The following DDX6 variants were observed in gnomAD, a reference collection of about 807,000 sequenced individuals.
DDX6 encodes the protein DEAD-box helicase 6.
A neutral mutation model predicts 60.6 loss-of-function variants in DDX6; 7 were observed. The ratio of observed to expected loss-of-function variants is 0.12; its 90% CI spans 0.07 to 0.22. The LOEUF (loss-of-function observed/expected upper bound fraction) is 0.22, where lower values mean the gene tolerates loss of function less well. DDX6 is among the 10% of genes least tolerant of loss of function. The pLI, the probability that DDX6 is intolerant of heterozygous loss-of-function variation, is 1.00. For missense variants in DDX6, 270 were observed against 589.9 expected, an observed-to-expected ratio of 0.46 and a Z score of 5.62; for synonymous variants, 207 against 201.0, an observed-to-expected ratio of 1.03 and a Z score of -0.25.
chr11:118,763,600 G>A (rs1206252423), intron 6 of DDX6, among the ~76,000 whole-genome samples: 5 of 152,054 alleles, frequency 3.3e-5, no homozygotes, highest in Non-Finnish European at 7.4e-5. Context: ...TTGGGAGGCC[G>A]AGGTGGGTGG....
intron 10 of DDX6, 109 bp from the exon 11 acceptor site, chr11:118,756,432 G>T: frequency 2.6e-6 from 2 of 756,234 alleles, no homozygotes; most frequent in South Asian, 3.6e-5. Flanking sequence ...GTTTATAAGT[G>T]ATCCATGATA....
chr11:118,752,476 ATT>A, intron 13 of DDX6, among the ~76,000 whole-genome samples: 1 of 152,210 alleles, frequency 6.6e-6, no homozygotes, highest in East Asian at 1.9e-4. Flanking sequence ...TTTAAAAATT[ATT>A]TAAGTAACAA....
At chr11:118,783,129 C>G (rs1011271472) in intron 2 of DDX6, among the ~76,000 whole-genome samples, 8 of 151,934 alleles carry the variant, frequency 5.3e-5, no homozygotes, top group African/African-American at 1.9e-4. Flanking sequence ...TAGAAGTGTT[C>G]TGAGACACTT....
intron 4 of DDX6, among the ~76,000 whole-genome samples, chr11:118,774,814 T>C (rs1448025461): frequency 6.6e-6 from 1 of 151,942 alleles, no homozygotes; most frequent in Non-Finnish European, 1.5e-5. Flanking sequence ...ATCAAGGCAG[T>C]TTTAATATTT....
chr11:118,775,471 C>A (rs1036914405), intron 4 of DDX6, among the ~76,000 whole-genome samples: 1 of 151,954 alleles, frequency 6.6e-6, no homozygotes, highest in Non-Finnish European at 1.5e-5. Flanking sequence ...CTGATTGATT[C>A]TAAGAAACAC....
At chr11:118,780,779 T>C (rs1223873088) in intron 3 of DDX6, among the ~76,000 whole-genome samples, 1 of 152,222 alleles carries the variant, frequency 6.6e-6, no homozygotes, top group African/African-American at 2.4e-5. Context: ...TCAGCACTAC[T>C]GACACTTTGG....
intron 3 of DDX6, among the ~76,000 whole-genome samples, chr11:118,779,943 C>A (rs954337415): frequency 6.6e-6 from 1 of 151,762 alleles, no homozygotes; most frequent in East Asian, 1.9e-4. Flanking sequence ...TGGTGAAACT[C>A]CAACTCCACG....
rs781965648 is a variant in DDX6 at position 118,754,906 on chromosome 11, A to ATTC, written c.1277-20_1277-19insGAA. ...AAGCGACCTAAAAAACATGCGTTTA[A>ATTC]AAATTTTAATGAATAAAATATGAAA... On this transcript the variant is annotated intron_variant, in intron 12 of 13. Coordinates refer to ENST00000534980, the MANE Select transcript of DDX6 (RefSeq NM_004397.6). 6.3e-7 allele frequency: 1 copy of ATTC among 1,579,912 alleles called. No homozygotes were observed. Among genetic ancestry groups the ATTC allele is most frequent in the Admixed American group, 2.0e-5 (1 of 50,548 alleles).
Position 118,767,626 on chromosome 11 carries a change from C to CTTTTTTTT in DDX6, c.499+589_499+596dup, listed in dbSNP as rs5795138. 3.6e-3 allele frequency: 319 copies of CTTTTTTTT among 88,668 alleles called. 2 individuals are homozygous for CTTTTTTTT. The highest frequency in any genetic ancestry group is 8.9e-3 in the Middle Eastern group (1 of 112). The allele number at this position is 88,668 out of a possible 1,614,324, so 5.5% of individuals were successfully genotyped here. On this transcript the variant is annotated intron_variant, in intron 5 of 13. Transcript: ENST00000534980. ...TTTAACTTCTCATGACCTCAGCCGC[C>CTTTTTTTT]TTTTTTTTTTTTTTTTTTTTTTTGA...
chr11:118,787,791 G>A (rs987099125), intron 1 of DDX6: 3 of 151,998 alleles, frequency 2.0e-5, no homozygotes, highest in African/African-American at 7.2e-5. Context: ...CACAAATTTT[G>A]TATAAATGAA....
At position 118,763,226 on chromosome 11, in the gene DDX6, T is replaced by A; in HGVS notation, c.727A>T (p.Ile243Leu). 1 of 1,604,838 alleles carries A rather than the reference T, an allele frequency of 6.2e-7. No homozygotes were observed. Among genetic ancestry groups the A allele is most frequent in the Non-Finnish European group, 8.5e-7 (1 of 1,176,086 alleles). ...AGAGACATTACCTCATCCAATACTA[T>A]CATCTGGACATGATCAACCTTTGCT... ...GVAKVDHVQM[I>L]VLDEADKLLS... The change falls in exon 7 of 14, where the codon ATA becomes TTA. Residue 243 changes from isoleucine to leucine, a missense_variant. Transcript: ENST00000534980.
intron 1 of DDX6, chr11:118,787,093 T>C (rs1215114481): frequency 1.3e-5 from 2 of 152,202 alleles, no homozygotes; most frequent in African/African-American, 2.4e-5. Context: ...TCGCAGCACT[T>C]TGAGAGGCCA....
rs151029243 is a variant in DDX6 at position 118,774,994 on chromosome 11, G to A, written c.369+4638C>T. 2.4e-4 allele frequency among the ~76,000 whole-genome samples: 36 copies of A among 152,288 alleles called. 1 individual carries two copies. The highest frequency in any genetic ancestry group is 8.2e-4 in the African/African-American group (34 of 41,560). On this transcript the variant is annotated intron_variant, in intron 4 of 13. Transcript: ENST00000534980. ...ATATTTTACCAGGGGGGTGATGGGT[G>A]CACCCAAATCTCAGAAATAGCAACT...
At chr11:118,785,450 C>T (rs1475902521) in intron 2 of DDX6, among the ~76,000 whole-genome samples, 1 of 151,828 alleles carries the variant, frequency 6.6e-6, no homozygotes, top group Non-Finnish European at 1.5e-5. Flanking sequence ...AGTGATCCTC[C>T]CACATTGGCC....
In DDX6 at chr11:118,749,385, C is replaced by G. The variant is rs1188290864; in HGVS notation, c.*2720G>C. 1 of 96,680 alleles carries G rather than the reference C, an allele frequency of 1.0e-5. No individual in the cohort carries two copies. The allele number at this position is 96,680 out of a possible 1,614,324, so 6.0% of individuals were successfully genotyped here. ...AAAAAAAAAAAAAAAAAAAAAAGACCAGGCTTTGACCTAGTCCTCAGAGCA... is the reference window on the plus strand; with the variant it reads ...AAAAAAAAAAAAAAAAAAAAAAGACGAGGCTTTGACCTAGTCCTCAGAGCA... On this transcript the variant is annotated 3_prime_UTR_variant, in exon 14 of 14. Transcript: ENST00000534980.
rs1591870920 is a variant in DDX6, at chr11:118,747,901, G to C, written c.*4204C>G. The stretch of plus-strand genomic sequence containing the variant: ...CATAACACATCCCAACAAAAACAGA[G>C]CCCCCCCCCCCCCCACTGGAACATC... On this transcript the variant is annotated 3_prime_UTR_variant, in exon 14 of 14. Coordinates refer to ENST00000534980, the MANE Select transcript of DDX6 (RefSeq NM_004397.6). 6.9e-5 allele frequency: 7 copies of C among 101,192 alleles called. No individual in the cohort carries two copies. Among genetic ancestry groups the C allele is most frequent in the Admixed American group, 9.3e-5 (1 of 10,774 alleles). 6.3% of individuals were successfully genotyped at this position (101,192 alleles called of 1,614,324 possible). A position where few individuals can be genotyped will look rare whatever the true frequency, so the allele number is the denominator to read the frequency against.
chr11:118,781,572 G>A (rs540044791), intron 2 of DDX6, among the ~76,000 whole-genome samples: 214 of 152,056 alleles, frequency 1.4e-3, no homozygotes, highest in African/African-American at 5.0e-3. Context: ...CACCTGCCTC[G>A]GCCTCCCAAA....
chr11:118,788,322 C>G (rs1251907659), intron 1 of DDX6: 2 of 152,124 alleles, frequency 1.3e-5, no homozygotes, highest in Admixed American at 1.3e-4. Context: ...ACAAAGCAAA[C>G]AAACAAACAA....
chr11:118,764,837 C>CACACAT (rs1427747282), intron 6 of DDX6, among the ~76,000 whole-genome samples: 1 of 150,578 alleles, frequency 6.6e-6, no homozygotes, highest in Admixed American at 6.6e-5. Flanking sequence ...CACACACACA[C>CACACAT]ATTATATATA....
Sources: allele counts gnomAD v4.1 joint callset (sites outside exome capture counted in the v4.1 genomes callset), GRCh38; gene constraint gnomAD v4.1.1; transcripts MANE v1.5; gene names NCBI Gene and HGNC (gene_info 2026-07-23, HGNC 2026-07-21).